The following PAQR3 variants were observed in gnomAD, a reference collection of about 807,000 sequenced individuals.
PAQR3 encodes the protein Raf kinase trapping to Golgi.
PAQR3 carries 39 observed loss-of-function variants against 41.7 expected under a neutral mutation model. That is an observed-to-expected ratio of 0.93 (90% CI 0.72 to 1.22). The LOEUF (loss-of-function observed/expected upper bound fraction) is 1.22. Among genes scored for constraint, PAQR3 ranks in the 50% most tolerant of loss-of-function variants. The pLI, the probability that PAQR3 is intolerant of heterozygous loss-of-function variation, is 0.00. For synonymous variants in PAQR3, 140 were observed against 140.6 expected (o/e 1.00, Z 0.03); for missense variants, 366 against 385.6 (o/e 0.95, Z 0.42).
chr4:78,896,784 A>G (rs1283706578), intron 11 of PAQR3, among the ~76,000 whole-genome samples: 2 of 152,194 alleles, frequency 1.3e-5, no homozygotes, highest in African/African-American at 4.8e-5. Flanking sequence ...CATCAAGAAG[A>G]GTTTGCAATA....
At chr4:78,922,403 A>G in intron 5 of PAQR3, 1 of 1,288,872 alleles carries the variant, frequency 7.8e-7, no homozygotes, top group South Asian at 1.2e-5. Flanking sequence ...CCCTTCTCTG[A>G]TTCACCGTGG....
At chr4:78,921,683 T>C in intron 5 of PAQR3, 7 of 985,112 alleles carry the variant, frequency 7.1e-6, no homozygotes, top group Non-Finnish European at 8.4e-6. Context: ...GTATACATTT[T>C]TAAACATTCA....
chr4:78,916,660 A>C lies in PAQR3; in HGVS notation c.*3879T>G, dbSNP rs1424756698. On this transcript the variant is annotated 3_prime_UTR_variant, in exon 6 of 6. Coordinates refer to ENST00000512733, the MANE Select transcript of PAQR3 (RefSeq NM_001040202.2). ...CGAGTGATGACAGTAAGGCAAAAAC[A>C]ATATTGTGTAGTGCCTTCTGAATAA... 1 of 151,974 alleles carries C rather than the reference A, an allele frequency of 6.6e-6. No homozygotes were observed. The highest frequency in any genetic ancestry group is 1.5e-5 in the Non-Finnish European group (1 of 67,868). The allele number at this position is 151,974 out of a possible 1,614,324, so 9.4% of individuals were successfully genotyped here. A position where few individuals can be genotyped will look rare whatever the true frequency, so the allele number is the denominator to read the frequency against.
intron 2 of PAQR3, among the ~76,000 whole-genome samples, chr4:78,931,185 T>TAAAAA (rs1553925635): frequency 1.2e-4 from 14 of 115,054 alleles, no homozygotes; most frequent in African/African-American, 5.1e-4. Flanking sequence ...CCTCATTTCT[T>TAAAAA]AAAAAAAAAA....
chr4:78,911,533 C>T (rs376891571), downstream of PAQR3: 6 of 1,614,008 alleles, frequency 3.7e-6, no homozygotes, highest in South Asian at 1.1e-5. Flanking sequence ...TAATGGGAAG[C>T]GGCATCATGG....
In PAQR3 at chr4:78,919,435, G is replaced by T. The variant is rs1735434598; in HGVS notation, c.*1104C>A. ...ATTTTTTAAGTATATACAATAAAAA[G>T]AAAGTTTAATGCTTCAGGCCCAAAT... On this transcript the variant is annotated 3_prime_UTR_variant, in exon 6 of 6. Transcript: ENST00000512733. 1 of 984,504 alleles carries T rather than the reference G, an allele frequency of 1.0e-6. No homozygotes were observed. The allele number at this position is 984,504 out of a possible 1,614,324, so 61.0% of individuals were successfully genotyped here. A position where few individuals can be genotyped will look rare whatever the true frequency, so the allele number is the denominator to read the frequency against.
downstream of PAQR3, chr4:78,910,873 G>A (rs560165697): frequency 6.2e-7 from 1 of 1,613,964 alleles, no homozygotes; most frequent in South Asian, 1.1e-5. Flanking sequence ...TAATGATGAT[G>A]ATACTGAACC....
At chr4:78,902,730 A>C (rs1160198817) in intron 11 of PAQR3, among the ~76,000 whole-genome samples, 1 of 152,144 alleles carries the variant, frequency 6.6e-6, no homozygotes, top group Non-Finnish European at 1.5e-5. Context: ...TTATAACTAA[A>C]AGAACAACTG....
rs113133226 is a variant in PAQR3 at position 78,904,240 on chromosome 4, G to T, written c.*836+1868C>A. On this transcript the variant is annotated intron_variant and NMD_transcript_variant, in intron 11 of 12. Coordinates refer to the PAQR3 transcript ENST00000342820. ...GGTTAATAAGATTGAAGAGAAAAAA[G>T]TTCTAAGAAAGATCATAGTAAACCT... 1.7e-4 allele frequency among the ~76,000 whole-genome samples: 26 copies of T among 151,956 alleles called. 1 individual carries two copies. The highest frequency in any genetic ancestry group is 6.0e-4 in the African/African-American group (25 of 41,528).
At chr4:78,923,103 A>G (rs1364798233) in intron 5 of PAQR3, 1 of 387,880 alleles carries the variant, frequency 2.6e-6, no homozygotes, top group African/African-American at 2.1e-5. Flanking sequence ...CAGCTTTGTC[A>G]CCATTATCTA....
At position 78,933,288 on chromosome 4, in the gene PAQR3, A is replaced by G. The variant is rs1737104378; in HGVS notation, c.348+1833T>C. The G allele has an allele frequency of 6.8e-5, 31 of 456,074 alleles. 1 individual carries two copies. The highest frequency in any genetic ancestry group is 4.8e-4 in the South Asian group (31 of 64,558). 28.3% of individuals were successfully genotyped at this position (456,074 alleles called of 1,614,324 possible). ...TTTGTTAACTGAATGTAAATGGATC[A>G]AATCAAGGCATTATTGTATTCTAAC... On this transcript the variant is annotated intron_variant, in intron 2 of 5. Coordinates refer to ENST00000512733, the MANE Select transcript of PAQR3 (RefSeq NM_001040202.2).
At chr4:78,933,338 C>T (rs1737107851) in intron 2 of PAQR3, 1 of 450,452 alleles carries the variant, frequency 2.2e-6, no homozygotes, top group Non-Finnish European at 4.5e-6. Context: ...TACAAATACC[C>T]TGGGAAGGTT....
At chr4:78,935,099 C>G (rs375639698) in intron 2 of PAQR3, 22 bp downstream of exon 2, 5 of 1,609,012 alleles carry the variant, frequency 3.1e-6, no homozygotes, top group East Asian at 2.2e-5. Flanking sequence ...TTACCAACAG[C>G]AGTATTTGTG....
chr4:78,936,998 A>G (rs1737496720), intron 1 of PAQR3, among the ~76,000 whole-genome samples: 1 of 152,234 alleles, frequency 6.6e-6, no homozygotes, highest in Non-Finnish European at 1.5e-5. Flanking sequence ...ATCTACTCTT[A>G]CTGTACGAAA....
Position 78,917,891 on chromosome 4 carries a change from A to C in PAQR3, c.*2648T>G, listed in dbSNP as rs1651867558. On this transcript the variant is annotated 3_prime_UTR_variant, in exon 6 of 6. Coordinates refer to ENST00000512733, the MANE Select transcript of PAQR3 (RefSeq NM_001040202.2). ...TCTTCGTTCCTGATTCTAAAATATGATTTTAAAGCTGTTATGTATTACAAA... is the reference window on the plus strand; with the variant it reads ...TCTTCGTTCCTGATTCTAAAATATGCTTTTAAAGCTGTTATGTATTACAAA... The C allele has an allele frequency of 1.0e-6, 1 of 985,016 alleles. No individual in the cohort carries two copies. Among genetic ancestry groups the C allele is most frequent in the South Asian group, 4.7e-5 (1 of 21,278 alleles). The allele number at this position is 985,016 out of a possible 1,614,324, so 61.0% of individuals were successfully genotyped here.
At chr4:78,888,947 C>T (rs1402015933) in intron 11 of PAQR3, among the ~76,000 whole-genome samples, 1 of 152,100 alleles carries the variant, frequency 6.6e-6, no homozygotes, top group Admixed American at 6.5e-5. Context: ...ATGGGCCGGG[C>T]GCGGTGGCTT....
intron 3 of PAQR3, among the ~76,000 whole-genome samples, chr4:78,929,463 C>T (rs570653254): frequency 4.6e-5 from 7 of 152,280 alleles, no homozygotes; most frequent in South Asian, 4.1e-4. Flanking sequence ...GGTTCTACTC[C>T]GTAAGGTTTG....
intron 2 of PAQR3, among the ~76,000 whole-genome samples, chr4:78,931,848 T>C (rs1736936980): frequency 6.6e-6 from 1 of 152,236 alleles, no homozygotes; most frequent in Non-Finnish European, 1.5e-5. Flanking sequence ...AATATGATTA[T>C]GACATTTCCT....
At chr4:78,908,474 A>C (rs1173678757), downstream of PAQR3, among the ~76,000 whole-genome samples, 1 of 152,004 alleles carries the variant, frequency 6.6e-6, no homozygotes, top group Admixed American at 6.6e-5. Context: ...CTGACTTCTG[A>C]ATGTTTTATA....
Sources: gnomAD v4.1 joint callset for allele counts (sites outside exome capture counted in the v4.1 genomes callset) on GRCh38, gnomAD v4.1.1 for gene constraint, MANE v1.5 for transcripts, NCBI Gene and HGNC (gene_info 2026-07-23, HGNC 2026-07-21) for gene names.